The following ITSN1 variants were observed in gnomAD, a reference collection of about 807,000 sequenced individuals.
ITSN1 encodes the protein intersectin-1.
A neutral mutation model predicts 239.8 loss-of-function variants in ITSN1; 58 were observed. That is an observed-to-expected ratio of 0.24 (90% confidence interval 0.20 to 0.30). ITSN1 has a LOEUF of 0.30. Ranked by LOEUF, ITSN1 falls within the 10% of genes least tolerant of loss-of-function variation. ITSN1 has a pLI of 1.00. For synonymous variants in ITSN1, 780 were observed against 770.8 expected (o/e 1.01, Z -0.20); for missense variants, 1,558 against 2,103.3 (o/e 0.74, Z 5.07).
intron 4 of ITSN1, among the ~76,000 whole-genome samples, chr21:33,723,195 C>CT (rs1264723390): frequency 6.6e-6 from 1 of 152,148 alleles, no homozygotes; most frequent in Non-Finnish European, 1.5e-5. Context: ...GGATTCTTGG[C>CT]TCATGGCTTT....
chr21:33,810,051 C>T (rs1178141859), intron 20 of ITSN1, among the ~76,000 whole-genome samples: 1 of 152,202 alleles, frequency 6.6e-6, no homozygotes, highest in African/African-American at 2.4e-5. Flanking sequence ...CTCAGCCTCC[C>T]AAAGTGCTGG....
At chr21:33,885,622 A>G (rs1602723717) in intron 38 of ITSN1, 100 bp downstream of exon 38, 3 of 865,424 alleles carry the variant, frequency 3.5e-6, no homozygotes, top group African/African-American at 1.7e-5. Context: ...TGCTATTTCC[A>G]TACTCCCTGA....
At chr21:33,648,814 T>C (rs572425723) in intron 1 of ITSN1, among the ~76,000 whole-genome samples, 2 of 150,736 alleles carry the variant, frequency 1.3e-5, no homozygotes, top group African/African-American at 4.9e-5. Context: ...CTGGGCAACA[T>C]AGTGAGATCT....
chr21:33,772,350 G>A (rs1186428685), intron 12 of ITSN1, 27 bp downstream of exon 12: 6 of 1,548,896 alleles, frequency 3.9e-6, no homozygotes, highest in Admixed American at 2.0e-5. Context: ...GGAGCCACCC[G>A]GAGTTAGTGT....
chr21:33,812,962 A>G (rs2073012069), intron 21 of ITSN1, among the ~76,000 whole-genome samples: 1 of 152,106 alleles, frequency 6.6e-6, no homozygotes, highest in South Asian at 2.1e-4. Context: ...GAGAAGCTCC[A>G]GCTCCATAGG....
At chr21:33,872,973 G>A (rs1381067371) in intron 33 of ITSN1, among the ~76,000 whole-genome samples, 2 of 152,192 alleles carry the variant, frequency 1.3e-5, no homozygotes, top group Admixed American at 6.5e-5. Context: ...AGCCAGCTGG[G>A]TGGGTTCCTA....
At chr21:33,662,365 C>T (rs2089624745) in intron 1 of ITSN1, among the ~76,000 whole-genome samples, 1 of 152,204 alleles carries the variant, frequency 6.6e-6, no homozygotes, top group Non-Finnish European at 1.5e-5. Context: ...CAAATCCCAT[C>T]ATAACAGGAA....
chr21:33,851,284 C>T (rs1486176615), intron 29 of ITSN1, among the ~76,000 whole-genome samples: 2 of 152,216 alleles, frequency 1.3e-5, no homozygotes, highest in African/African-American at 4.8e-5. Flanking sequence ...CATATGGAGA[C>T]CCAGCCTCAG....
chr21:33,837,989 C>A, intron 29 of ITSN1: 2 of 985,766 alleles, frequency 2.0e-6, no homozygotes, highest in Non-Finnish European at 2.4e-6. Flanking sequence ...AAGTAATTTT[C>A]TTGACAAGAA....
Position 33,735,041 on chromosome 21 carries a change from C to T in ITSN1, c.186-3C>T. 6.2e-7 allele frequency: 1 copy of T among 1,605,868 alleles called. No individual in the cohort carries two copies. The highest frequency in any genetic ancestry group is 8.5e-7 in the Non-Finnish European group (1 of 1,176,564). On this transcript the variant is annotated splice_polypyrimidine_tract_variant and splice_region_variant and intron_variant, in intron 4 of 39. Transcript: ENST00000381318. ...GTTCTCAGGCCATGCTGTTGGTTTG[C>T]AGGGCACTAGCTGACATGAATAATG...
intron 1 of ITSN1, among the ~76,000 whole-genome samples, chr21:33,676,770 G>A (rs1409035765): frequency 6.6e-6 from 1 of 152,220 alleles, no homozygotes; most frequent in Non-Finnish European, 1.5e-5. Flanking sequence ...TAAAGAGTTT[G>A]CCATGGTTTT....
intron 1 of ITSN1, among the ~76,000 whole-genome samples, chr21:33,671,474 CG>C (rs1159559141): frequency 1.3e-5 from 2 of 151,854 alleles, no homozygotes; most frequent in East Asian, 3.9e-4. Context: ...TTAGTAGACA[CG>C]GGTTTCACCG....
chr21:33,674,281 T>C (rs2090467458), intron 1 of ITSN1, among the ~76,000 whole-genome samples: 1 of 152,266 alleles, frequency 6.6e-6, no homozygotes, highest in African/African-American at 2.4e-5. Flanking sequence ...AATGATTTAA[T>C]GTGTTACTAT....
chr21:33,804,573 G>T (rs1010929794), intron 20 of ITSN1, among the ~76,000 whole-genome samples: 2 of 152,194 alleles, frequency 1.3e-5, no homozygotes, highest in Admixed American at 1.3e-4. Flanking sequence ...GTCTGACCTT[G>T]ATGGCTAAGG....
intron 16 of ITSN1, among the ~76,000 whole-genome samples, chr21:33,785,077 T>C (rs574844087): frequency 2.0e-5 from 3 of 152,318 alleles, no homozygotes; most frequent in Admixed American, 1.3e-4. Context: ...CCTGTTCTTT[T>C]GTATTTCATG....
intron 1 of ITSN1, among the ~76,000 whole-genome samples, chr21:33,702,917 A>G (rs556302488): frequency 6.6e-6 from 1 of 152,228 alleles, no homozygotes; most frequent in African/African-American, 2.4e-5. Flanking sequence ...GTCTCTACCA[A>G]AGTACAAAAA....
rs1056177118 is a variant in ITSN1 at position 33,898,505 on chromosome 21, A to C, written c.*10205A>C. 6.6e-6 allele frequency: 1 copy of C among 152,224 alleles called. No individual in the cohort carries two copies. Among genetic ancestry groups the C allele is most frequent in the East Asian group, 1.9e-4 (1 of 5,198 alleles). The allele number at this position is 152,224 out of a possible 1,614,324, so 9.4% of individuals were successfully genotyped here. A position where few individuals can be genotyped will look rare whatever the true frequency, so the allele number is the denominator to read the frequency against. On this transcript the variant is annotated 3_prime_UTR_variant, in exon 40 of 40. Transcript: ENST00000381318. ...TACTTGGCCACCAGAAGTGCCCCTT[A>C]GGCCACCTAAGGAGGATTCTGTGAA...
intron 9 of ITSN1, among the ~76,000 whole-genome samples, chr21:33,764,431 T>C (rs1321205787): frequency 6.6e-6 from 1 of 152,078 alleles, no homozygotes; most frequent in African/African-American, 2.4e-5. Context: ...TTTATTTCAT[T>C]TGCATTTCTT....
At chr21:33,662,705 A>G (rs369692832) in intron 1 of ITSN1, among the ~76,000 whole-genome samples, 154 of 152,340 alleles carry the variant, frequency 1.0e-3, no homozygotes, top group African/African-American at 3.4e-3. Flanking sequence ...CTCAGCTCAT[A>G]TAAAATGTGC....
Sources: gnomAD v4.1 joint callset for allele counts (sites outside exome capture counted in the v4.1 genomes callset) on GRCh38, gnomAD v4.1.1 for gene constraint, MANE v1.5 for transcripts, NCBI Gene and HGNC (gene_info 2026-07-23, HGNC 2026-07-21) for gene names.